STXBP5: variants seen among roughly 807,000 people sequenced by gnomAD.
STXBP5 encodes the protein syntaxin-binding protein 5.
A neutral mutation model predicts 152.4 loss-of-function variants in STXBP5; 50 were observed. That is an observed-to-expected ratio of 0.33 (90% CI 0.26 to 0.42). STXBP5 has a LOEUF of 0.42. STXBP5 is among the 10% of genes least tolerant of loss of function. The probability of loss-of-function intolerance (pLI) is 1.00; values close to 1 mark genes in which losing one functional copy is unlikely to be tolerated. For missense variants in STXBP5, 1,167 were observed against 1,388.6 expected, an observed-to-expected ratio of 0.84 and a Z score of 2.54; for synonymous variants, 492 against 494.7, an observed-to-expected ratio of 0.99 and a Z score of 0.07.
chr6:147,344,937 G>T (rs963646393), intron 21 of STXBP5, among the ~76,000 whole-genome samples: 10 of 152,248 alleles, frequency 6.6e-5, no homozygotes, highest in African/African-American at 2.4e-4. Flanking sequence ...GAAAAAAATT[G>T]AAGACAAAAG....
chr6:147,271,054 A>C (rs1197459248), intron 7 of STXBP5, among the ~76,000 whole-genome samples: 2 of 152,178 alleles, frequency 1.3e-5, no homozygotes, highest in Admixed American at 1.3e-4. Flanking sequence ...GGAAGGTAGA[A>C]GGGAACAAAG....
chr6:147,331,035 C>A (rs1426918155), intron 18 of STXBP5, among the ~76,000 whole-genome samples: 1 of 152,212 alleles, frequency 6.6e-6, no homozygotes, highest in Non-Finnish European at 1.5e-5. Context: ...TTTGCCAGCC[C>A]TCTCAATTAA....
chr6:147,382,753 T>C, intron 26 of STXBP5, 25 bp from the exon 27 acceptor site: 2 of 1,608,190 alleles, frequency 1.2e-6, no homozygotes, highest in South Asian at 1.1e-5. Flanking sequence ...TTTGAGTTAC[T>C]CTTTGATTTA....
intron 9 of STXBP5, among the ~76,000 whole-genome samples, chr6:147,303,753 C>A (rs1781947645): frequency 6.6e-6 from 1 of 152,100 alleles, no homozygotes; most frequent in African/African-American, 2.4e-5. Context: ...GACCAAAATG[C>A]TGATAGTGAT....
intron 3 of STXBP5, among the ~76,000 whole-genome samples, chr6:147,238,026 C>G (rs964519760): frequency 6.6e-6 from 1 of 152,178 alleles, no homozygotes. Flanking sequence ...ACATTGCATT[C>G]ACAATTTAAA....
chr6:147,327,798 T>A (rs1783343102), intron 18 of STXBP5, among the ~76,000 whole-genome samples: 1 of 152,184 alleles, frequency 6.6e-6, no homozygotes. Context: ...AACCACGGGA[T>A]CAAACTTTTC....
intron 26 of STXBP5, among the ~76,000 whole-genome samples, chr6:147,378,968 A>G (rs1250062292): frequency 6.6e-6 from 1 of 152,096 alleles, no homozygotes; most frequent in Non-Finnish European, 1.5e-5. Flanking sequence ...AAGTTTCAGG[A>G]GAGAATCCAT....
At chr6:147,359,958 C>A (rs932335865) in intron 23 of STXBP5, among the ~76,000 whole-genome samples, 1 of 151,962 alleles carries the variant, frequency 6.6e-6, no homozygotes, top group African/African-American at 2.4e-5. Flanking sequence ...AAGAAAAAAA[C>A]AAACAACCCC....
At chr6:147,373,474 ACT>A (rs1478417718) in intron 25 of STXBP5, among the ~76,000 whole-genome samples, 2 of 151,968 alleles carry the variant, frequency 1.3e-5, no homozygotes, top group Non-Finnish European at 2.9e-5. Context: ...ATCTCCTGAC[ACT>A]CTTAAGCAAA....
At chr6:147,247,809 A>G (rs1352064180) in intron 4 of STXBP5, among the ~76,000 whole-genome samples, 1 of 152,204 alleles carries the variant, frequency 6.6e-6, no homozygotes, top group African/African-American at 2.4e-5. Context: ...CTCTTTTACA[A>G]CTTCCTGACA....
chr6:147,297,331 C>G (rs921758146), intron 9 of STXBP5, among the ~76,000 whole-genome samples: 13 of 152,070 alleles, frequency 8.5e-5, no homozygotes, highest in African/African-American at 3.1e-4. Flanking sequence ...AACCTGTCAG[C>G]TAAGAATACT....
At chr6:147,329,461 C>T (rs1201812308) in intron 18 of STXBP5, among the ~76,000 whole-genome samples, 2 of 150,100 alleles carry the variant, frequency 1.3e-5, no homozygotes, top group Admixed American at 6.6e-5. Context: ...TGACTCTGAT[C>T]CCCCCAAATT....
At position 147,204,462 on chromosome 6, in the gene STXBP5, C is replaced by T. The variant is rs1172331399; in HGVS notation, c.-71C>T. 37 of 1,532,106 alleles carry T rather than the reference C, an allele frequency of 2.4e-5. No homozygotes were observed. In the Middle Eastern group the frequency reaches 9.0e-4, roughly 37 times the overall value. The allele number at this position is 1,532,106 out of a possible 1,614,324, so 94.9% of individuals were successfully genotyped here. ...CCGCGGTCGAAGCTGCCTTCGGCCCCGGGTGGTCTCCCCCGCCCGGGGACC... is the reference window on the plus strand; with the variant it reads ...CCGCGGTCGAAGCTGCCTTCGGCCCTGGGTGGTCTCCCCCGCCCGGGGACC... On this transcript the variant is annotated 5_prime_UTR_variant, in exon 1 of 28. Coordinates refer to ENST00000321680, the MANE Select transcript of STXBP5 (RefSeq NM_001127715.4). This position sits in a 1 kb window ranked among gnomAD's most constrained non-coding sequence, Gnocchi z 4.3.
intron 2 of STXBP5, among the ~76,000 whole-genome samples, chr6:147,232,767 T>G (rs1285432592): frequency 6.6e-6 from 1 of 151,848 alleles, no homozygotes; most frequent in Non-Finnish European, 1.5e-5. Flanking sequence ...TATTAAGAAA[T>G]TATTTTTATC....
chr6:147,334,231 GTTT>G lies in STXBP5; in HGVS notation c.2146+16_2146+18del. On this transcript the variant is annotated intron_variant, in intron 19 of 27. Coordinates refer to ENST00000321680, the MANE Select transcript of STXBP5 (RefSeq NM_001127715.4). ...CAAATCTCCAACCTCTGGTAATTTG[GTTT>G]TTTTTTATTTCATTAATAATTATGA... The G allele has an allele frequency of 6.3e-7, 1 of 1,598,548 alleles. No homozygotes were observed. Among genetic ancestry groups the G allele is most frequent in the Non-Finnish European group, 8.5e-7 (1 of 1,171,024 alleles).
At chr6:147,231,804 A>T (rs149959180) in intron 2 of STXBP5, among the ~76,000 whole-genome samples, 1 of 151,958 alleles carries the variant, frequency 6.6e-6, no homozygotes, top group East Asian at 1.9e-4. Flanking sequence ...GCAGATCTTC[A>T]TTATAGTGTT....
chr6:147,285,721 G>T (rs1582890786), intron 8 of STXBP5, among the ~76,000 whole-genome samples: 1 of 152,104 alleles, frequency 6.6e-6, no homozygotes, highest in Non-Finnish European at 1.5e-5. Context: ...TAAGAATTTT[G>T]TACCTAGCCA....
rs1785034533 is a variant in STXBP5 at position 147,360,876 on chromosome 6, A to T, written c.2545+1553A>T. 2.0e-5 allele frequency among the ~76,000 whole-genome samples: 3 copies of T among 152,248 alleles called. No homozygotes were observed. The South Asian group carries it at 6.2e-4, about 32-fold the overall frequency. On this transcript the variant is annotated intron_variant, in intron 23 of 27. Coordinates refer to ENST00000321680, the MANE Select transcript of STXBP5 (RefSeq NM_001127715.4). ...GAAACAACCATGATTTTGCTTGTAA[A>T]TCTATCTCTTGTTTGTGCCGACTTT...
intron 21 of STXBP5, among the ~76,000 whole-genome samples, chr6:147,346,826 T>C (rs959960577): frequency 2.0e-5 from 3 of 152,046 alleles, no homozygotes; most frequent in Admixed American, 6.5e-5. Flanking sequence ...CTATAAAAAT[T>C]GGTCAAAAGA....
Sources: gnomAD v4.1 joint callset for allele counts (sites outside exome capture counted in the v4.1 genomes callset) on GRCh38, gnomAD v4.1.1 for gene constraint, Gnocchi (gnomAD v3.1) non-coding constraint, MANE v1.5 for transcripts, NCBI Gene and HGNC (gene_info 2026-07-23, HGNC 2026-07-21) for gene names.